The following DRC5 variants were observed in gnomAD, a reference collection of about 807,000 sequenced individuals.
DRC5 encodes dynein regulatory complex subunit 5, also known as T-complex-associated testis-expressed protein 1.
At chr6:44,282,288 C>T in the DRC5 span, 1 of 1,614,114 alleles carries the variant, frequency 6.2e-7, no homozygotes, top group African/African-American at 1.3e-5. Flanking sequence ...ATCCTCGATG[C>T]AGTTGAGACG....
chr6:44,282,065 T>C, the DRC5 span: 12 of 1,567,350 alleles, frequency 7.7e-6, no homozygotes, highest in Admixed American at 7.1e-5. Context: ...CCCCTGGCAG[T>C]TGGATTCCAC....
At chr6:44,286,427 T>C in the DRC5 span, 3 of 1,614,100 alleles carry the variant, frequency 1.9e-6, no homozygotes, top group South Asian at 3.3e-5. Context: ...CCAGTAGTTC[T>C]CACTGTCTAT....
chr6:44,285,851 CA>C, the DRC5 span: 1 of 1,067,526 alleles, frequency 9.4e-7, no homozygotes, highest in Non-Finnish European at 1.3e-6. Context: ...AACACTTGGC[CA>C]ATGAAAGAGA....
At chr6:44,293,163 T>C in the DRC5 span, among the ~76,000 whole-genome samples, 1 of 152,180 alleles carries the variant, frequency 6.6e-6, no homozygotes, top group Non-Finnish European at 1.5e-5. Context: ...GATTCACTCC[T>C]GTGGCCTCTT....
the DRC5 span, among the ~76,000 whole-genome samples, chr6:44,290,615 C>T: frequency 6.6e-6 from 1 of 152,188 alleles, no homozygotes; most frequent in Non-Finnish European, 1.5e-5. Flanking sequence ...AGGTCAGAGG[C>T]AACAGGCCAG....
chr6:44,289,948 G>A, the DRC5 span, among the ~76,000 whole-genome samples: 7 of 152,184 alleles, frequency 4.6e-5, no homozygotes, highest in South Asian at 2.1e-4. Context: ...CAGCAAAGGC[G>A]TCCTTGGCAG....
the DRC5 span, chr6:44,287,499 AG>A: frequency 6.4e-7 from 1 of 1,552,010 alleles, no homozygotes; most frequent in Non-Finnish European, 8.8e-7. Context: ...CCACCCACCT[AG>A]CCCCCCTCTT....
chr6:44,293,794 C>T, the DRC5 span, among the ~76,000 whole-genome samples: 2 of 152,220 alleles, frequency 1.3e-5, no homozygotes, highest in Admixed American at 1.3e-4. Context: ...TTTCACGGCC[C>T]TAATGTACAG....
the DRC5 span, among the ~76,000 whole-genome samples, chr6:44,283,141 T>G: frequency 6.6e-6 from 1 of 152,130 alleles, no homozygotes; most frequent in Admixed American, 6.5e-5. Flanking sequence ...ACCTTCAGCA[T>G]CTCGATGAAG....
chr6:44,291,128 T>C, the DRC5 span, among the ~76,000 whole-genome samples: 1 of 152,218 alleles, frequency 6.6e-6, no homozygotes, highest in Non-Finnish European at 1.5e-5. Flanking sequence ...ATGGCTGGTA[T>C]AAAAATGAGC....
chr6:44,284,250 C>T, the DRC5 span, among the ~76,000 whole-genome samples: 1 of 152,138 alleles, frequency 6.6e-6, no homozygotes. Flanking sequence ...CTCTATTCCA[C>T]CCCGTTGCTC....
the DRC5 span, among the ~76,000 whole-genome samples, chr6:44,296,941 G>GCCAGTTCAGTTACCACAGCCCCTGGACT: frequency 6.6e-6 from 1 of 150,450 alleles, no homozygotes; most frequent in African/African-American, 2.5e-5. Context: ...GCCTCGGCCC[G>GCCAGTTCAGTTACCACAGCCCCTGGACT]TGTGCTTGGA....
At chr6:44,287,943 G>A in the DRC5 span, 1 of 1,368,572 alleles carries the variant, frequency 7.3e-7, no homozygotes, top group Non-Finnish European at 9.8e-7. Flanking sequence ...AGAGGGTAGA[G>A]GTGTTACTTT....
At chr6:44,293,241 C>T in the DRC5 span, among the ~76,000 whole-genome samples, 4 of 150,658 alleles carry the variant, frequency 2.7e-5, no homozygotes, top group Non-Finnish European at 5.9e-5. Context: ...AGTATCAGCA[C>T]CTTACAACTG....
the DRC5 span, among the ~76,000 whole-genome samples, chr6:44,280,704 G>C: frequency 1.3e-5 from 2 of 152,196 alleles, no homozygotes; most frequent in Non-Finnish European, 2.9e-5. Context: ...GCTGAGAGAG[G>C]GTGGCTTCTG....
the DRC5 span, chr6:44,286,369 A>G: frequency 3.8e-4 from 606 of 1,614,098 alleles, 3 homozygotes; most frequent in African/African-American, 6.7e-3. Context: ...AGCTGCCGCC[A>G]TGGTGGGCCA....
At chr6:44,293,734 C>T in the DRC5 span, among the ~76,000 whole-genome samples, 4 of 152,276 alleles carry the variant, frequency 2.6e-5, no homozygotes, top group East Asian at 3.9e-4. Context: ...GTGGGGAGGG[C>T]CTCCCCGGGC....
At chr6:44,279,725 G>C in the DRC5 span, 1 of 156,440 alleles carries the variant, frequency 6.4e-6, no homozygotes, top group African/African-American at 2.5e-5. Flanking sequence ...AGAGAGCCAG[G>C]CATAGCCCTG....
chr6:44,290,457 C>A, the DRC5 span, among the ~76,000 whole-genome samples: 1 of 152,226 alleles, frequency 6.6e-6, no homozygotes, highest in East Asian at 1.9e-4. Flanking sequence ...ATCCAGGAGA[C>A]CTGCTTCTTG....
Sources: gnomAD v4.1 joint callset for allele counts (sites outside exome capture counted in the v4.1 genomes callset) on GRCh38, gnomAD v4.1.1 for gene constraint, MANE v1.5 for transcripts, NCBI Gene and HGNC (gene_info 2026-07-23, HGNC 2026-07-21) for gene names.